Variants in CSTPP1 observed in about 807,000 individuals in gnomAD.
The protein encoded by CSTPP1 is centriolar satellite-associated tubulin polyglutamylase complex regulator 1.
chr11:46,976,191 T>G, the CSTPP1 span, among the ~76,000 whole-genome samples: 2 of 152,222 alleles, frequency 1.3e-5, no homozygotes, highest in African/African-American at 4.8e-5. Context: ...TAAAATTATA[T>G]GCAACATATT....
chr11:47,086,550 G>C, the CSTPP1 span, among the ~76,000 whole-genome samples: 1 of 152,110 alleles, frequency 6.6e-6, no homozygotes, highest in Non-Finnish European at 1.5e-5. Flanking sequence ...AGATAATAAA[G>C]GGGAAGGGAA....
chr11:47,111,312 A>T, the CSTPP1 span, among the ~76,000 whole-genome samples: 1 of 152,104 alleles, frequency 6.6e-6, no homozygotes, highest in Non-Finnish European at 1.5e-5. Flanking sequence ...AGCCTCCACC[A>T]GGAAAGGGAA....
chr11:46,967,851 C>T, the CSTPP1 span, among the ~76,000 whole-genome samples: 1 of 150,692 alleles, frequency 6.6e-6, no homozygotes, highest in African/African-American at 2.4e-5. Flanking sequence ...ATCGAGACAA[C>T]ATTTCAACAA....
At chr11:47,114,490 G>A in the CSTPP1 span, among the ~76,000 whole-genome samples, 128 of 152,250 alleles carry the variant, frequency 8.4e-4, no homozygotes, top group African/African-American at 2.9e-3. Flanking sequence ...ATTTGTTTGT[G>A]TCCTCTTTTA....
At chr11:47,082,171 A>G in the CSTPP1 span, among the ~76,000 whole-genome samples, 2 of 149,766 alleles carry the variant, frequency 1.3e-5, no homozygotes, top group Non-Finnish European at 3.0e-5. Context: ...AAAAAAATAC[A>G]AAAAACAAAA....
chr11:47,093,813 C>A, the CSTPP1 span, among the ~76,000 whole-genome samples: 1 of 152,152 alleles, frequency 6.6e-6, no homozygotes, highest in East Asian at 1.9e-4. Flanking sequence ...GTGCCTGGCA[C>A]TTAATAGCTT....
At chr11:47,000,591 C>T in the CSTPP1 span, among the ~76,000 whole-genome samples, 1 of 152,006 alleles carries the variant, frequency 6.6e-6, no homozygotes, top group Non-Finnish European at 1.5e-5. Context: ...CACAGACTAC[C>T]TTTGGTTTAT....
chr11:46,949,379 C>T, the CSTPP1 span, among the ~76,000 whole-genome samples: 6 of 152,070 alleles, frequency 3.9e-5, no homozygotes, highest in Admixed American at 3.3e-4. Context: ...AGGGTTGGCA[C>T]GATAAAGAAT....
the CSTPP1 span, among the ~76,000 whole-genome samples, chr11:46,977,853 T>C: frequency 6.6e-6 from 1 of 152,082 alleles, no homozygotes; most frequent in Non-Finnish European, 1.5e-5. Context: ...TTAGTAACAA[T>C]AGAAGGAACA....
At chr11:46,960,414 C>T in the CSTPP1 span, among the ~76,000 whole-genome samples, 2 of 152,192 alleles carry the variant, frequency 1.3e-5, no homozygotes, top group Non-Finnish European at 2.9e-5. Flanking sequence ...CAGCCACTCC[C>T]ATTTTACTTT....
chr11:47,050,490 G>A, the CSTPP1 span, among the ~76,000 whole-genome samples: 1 of 152,186 alleles, frequency 6.6e-6, no homozygotes, highest in African/African-American at 2.4e-5. Flanking sequence ...AGATACGATG[G>A]AAATTGGGCA....
chr11:47,157,931 G>A, the CSTPP1 span: 1 of 1,609,010 alleles, frequency 6.2e-7, no homozygotes, highest in Non-Finnish European at 8.5e-7. Context: ...CGGTAAGTCA[G>A]AGCTAAGCAG....
chr11:47,006,639 C>T, the CSTPP1 span, among the ~76,000 whole-genome samples: 1 of 151,368 alleles, frequency 6.6e-6, no homozygotes, highest in East Asian at 1.9e-4. Context: ...GGTTGGAGTG[C>T]AGTGGTGCAG....
At chr11:47,014,727 GAA>G in the CSTPP1 span, among the ~76,000 whole-genome samples, 1 of 127,060 alleles carries the variant, frequency 7.9e-6, no homozygotes, top group Admixed American at 9.3e-5. Flanking sequence ...GAGAGAGAAA[GAA>G]AGAGAGAGAG....
chr11:47,039,022 A>G, the CSTPP1 span, among the ~76,000 whole-genome samples: 1 of 101,070 alleles, frequency 9.9e-6, no homozygotes, highest in Non-Finnish European at 2.3e-5. Context: ...CCTAGATGGG[A>G]TGGCGGCCGG....
the CSTPP1 span, among the ~76,000 whole-genome samples, chr11:46,965,689 T>C: frequency 6.6e-6 from 1 of 152,196 alleles, no homozygotes; most frequent in Admixed American, 6.5e-5. Context: ...AAAATGTTGC[T>C]TTAGTTGAAG....
At chr11:47,052,267 T>A in the CSTPP1 span, 1 of 1,276,730 alleles carries the variant, frequency 7.8e-7, no homozygotes, top group Non-Finnish European at 1.1e-6. Context: ...GAGTTCAGAG[T>A]TTTGTTGGGG....
chr11:47,161,701 C>T, the CSTPP1 span: 7 of 1,532,252 alleles, frequency 4.6e-6, no homozygotes, highest in South Asian at 1.2e-5. Context: ...TTGGTGTGCC[C>T]ACCCAGCCTC....
chr11:47,083,143 T>C, the CSTPP1 span, among the ~76,000 whole-genome samples: 1 of 152,160 alleles, frequency 6.6e-6, no homozygotes, highest in African/African-American at 2.4e-5. Flanking sequence ...TGTTTGTTTT[T>C]CTGTTCCTGC....
Sources: gnomAD v4.1 joint callset for allele counts (sites outside exome capture counted in the v4.1 genomes callset) on GRCh38, gnomAD v4.1.1 for gene constraint, MANE v1.5 for transcripts, NCBI Gene and HGNC (gene_info 2026-07-23, HGNC 2026-07-21) for gene names.